CSPP1: variants seen among roughly 807,000 people sequenced by gnomAD.
CSPP1 encodes the protein centrosome and spindle pole associated protein 1, also known as centrosome and spindle pole-associated protein 1.
A neutral mutation model predicts 164.4 loss-of-function variants in CSPP1; 126 were observed. That is an observed-to-expected ratio of 0.77 (90% CI 0.66 to 0.89). CSPP1 has a LOEUF of 0.89. CSPP1 is among the 40% of genes least tolerant of loss of function. The probability of loss-of-function intolerance (pLI) is 0.00; values close to 1 mark genes in which losing one functional copy is unlikely to be tolerated. For synonymous variants in CSPP1, 472 were observed against 476.7 expected (o/e 0.99, Z 0.13); for missense variants, 1,395 against 1,449.8 (o/e 0.96, Z 0.61).
At chr8:67,145,173 T>G (rs1160737133) in intron 17 of CSPP1, among the ~76,000 whole-genome samples, 2 of 152,158 alleles carry the variant, frequency 1.3e-5, no homozygotes, top group Non-Finnish European at 2.9e-5. Flanking sequence ...ATTCAGTTTA[T>G]TTCTTATGTG....
intron 22 of CSPP1, 43 bp from the exon 23 acceptor site, chr8:67,163,689 G>A (rs759099709): frequency 1.4e-6 from 2 of 1,442,954 alleles, no homozygotes; most frequent in East Asian, 4.5e-5. Flanking sequence ...CTTCTGTGTA[G>A]GGAAGACATA....
intron 16 of CSPP1, among the ~76,000 whole-genome samples, chr8:67,132,568 T>G (rs1189616518): frequency 6.6e-6 from 1 of 152,160 alleles, no homozygotes; most frequent in Non-Finnish European, 1.5e-5. Context: ...GGGAAGAGAT[T>G]GGCAGAGAAA....
intron 16 of CSPP1, 64 bp from the exon 17 acceptor site, chr8:67,137,392 T>G: frequency 8.3e-7 from 1 of 1,204,624 alleles, no homozygotes; most frequent in South Asian, 2.6e-5. Flanking sequence ...ACATCTGGTA[T>G]TACTAACTTC....
At chr8:67,064,594 G>A (rs1208526514) in intron 1 of CSPP1, 56 bp downstream of exon 1, 11 of 1,478,706 alleles carry the variant, frequency 7.4e-6, no homozygotes, top group Non-Finnish European at 9.9e-6. Flanking sequence ...TGCATTCGCT[G>A]CCCCGGAGCG....
intron 7 of CSPP1, among the ~76,000 whole-genome samples, chr8:67,101,669 AT>A (rs1814151353): frequency 6.6e-6 from 1 of 152,174 alleles, no homozygotes; most frequent in South Asian, 2.1e-4. Context: ...AAAATTCCAA[AT>A]AGTGTTTTCT....
intron 26 of CSPP1, among the ~76,000 whole-genome samples, chr8:67,177,273 C>CT (rs1322074403): frequency 2.0e-5 from 3 of 152,072 alleles, no homozygotes; most frequent in Non-Finnish European, 4.4e-5. Context: ...GATACCTGAT[C>CT]CAAGATCTTT....
intron 16 of CSPP1, chr8:67,133,841 A>T (rs1821724738): frequency 6.6e-6 from 1 of 152,214 alleles, no homozygotes; most frequent in Non-Finnish European, 1.5e-5. Context: ...TTGTCATCTC[A>T]ACAGTGTTCA....
chr8:67,102,794 T>C (rs1408505865), intron 7 of CSPP1, among the ~76,000 whole-genome samples: 2 of 152,220 alleles, frequency 1.3e-5, no homozygotes, highest in African/African-American at 4.8e-5. Context: ...AATAAAAATT[T>C]ATAGCAAGTA....
intron 7 of CSPP1, among the ~76,000 whole-genome samples, chr8:67,096,337 C>T (rs371883950): frequency 1.3e-5 from 2 of 152,168 alleles, no homozygotes; most frequent in African/African-American, 2.4e-5. Flanking sequence ...GAGGCCGAGG[C>T]GGGCGGATCG....
chr8:67,161,659 C>T, intron 21 of CSPP1, 152 bp from the exon 22 acceptor site: 1 of 488,180 alleles, frequency 2.0e-6, no homozygotes, highest in South Asian at 4.4e-5. Flanking sequence ...AATTGAATTT[C>T]TGACTTTTGT....
rs190196303 is a variant in CSPP1 at position 67,193,340 on chromosome 8, G to C, written c.3331-124G>C. ...TTGAACTCCTGACTTCAGGTGATCT[G>C]CCCACCTCGGCTTCCCAAAGTGCTG... On this transcript the variant is annotated intron_variant, in intron 29 of 30. Transcript: ENST00000678616. 4.7e-4 allele frequency: 328 copies of C among 692,036 alleles called. No homozygotes were observed. In the African/African-American group the frequency reaches 5.4e-3, roughly 11 times the overall value. The allele number at this position is 692,036 out of a possible 1,614,324, so 42.9% of individuals were successfully genotyped here. A position where few individuals can be genotyped will look rare whatever the true frequency, so the allele number is the denominator to read the frequency against.
In CSPP1 at chr8:67,195,380, AGAT is replaced by A. The variant is rs772729206; in HGVS notation, c.3474_3476del (p.Asp1158del). On this transcript the variant is annotated splice_acceptor_variant and coding_sequence_variant, in exon 31 of 31. Coordinates refer to ENST00000678616, the MANE Select transcript of CSPP1 (RefSeq NM_001382391.1). LOFTEE classifies it high-confidence loss of function. ...GAGCCACGTGTCCCTTGCCTCCTGT[AGAT>A]GATGAGAGTTCACTGGTTGACCCTG... 2.5e-6 allele frequency: 4 copies of A among 1,611,336 alleles called. No homozygotes were observed. Among genetic ancestry groups the A allele is most frequent in the Admixed American group, 3.3e-5 (2 of 60,004 alleles).
intron 15 of CSPP1, among the ~76,000 whole-genome samples, chr8:67,126,752 G>A (rs1351828993): frequency 1.3e-5 from 2 of 152,130 alleles, no homozygotes; most frequent in African/African-American, 4.8e-5. Flanking sequence ...CCATGGGCAT[G>A]TTATTTCCCA....
At position 67,095,387 on chromosome 8, in the gene CSPP1, G is replaced by A. The variant is rs1812541652; in HGVS notation, c.578G>A (p.Arg193Lys). 6.2e-7 allele frequency: 1 copy of A among 1,612,746 alleles called. No individual in the cohort carries two copies. The highest frequency in any genetic ancestry group is 8.5e-7 in the Non-Finnish European group (1 of 1,179,530). ...QTSCENSEGPRKDVLTPSEAY... is the reference protein window; with the variant it reads ...QTSCENSEGPKKDVLTPSEAY... ...TCTTGTGAAAATTCAGAGGGTCCTAGAAAAGATGTCTTAACTCCTTCAGAG... is the reference window on the plus strand; with the variant it reads ...TCTTGTGAAAATTCAGAGGGTCCTAAAAAAGATGTCTTAACTCCTTCAGAG... The change falls in exon 7 of 31, where the codon AGA becomes AAA. Residue 193 changes from arginine (R) to lysine (K), a missense_variant. Transcript: ENST00000678616.
chr8:67,124,526 G>C (rs1819673264), intron 15 of CSPP1, among the ~76,000 whole-genome samples: 2 of 151,904 alleles, frequency 1.3e-5, no homozygotes, highest in South Asian at 4.2e-4. Context: ...TTTGAGATAG[G>C]GTCTTACTCT....
intron 15 of CSPP1, among the ~76,000 whole-genome samples, chr8:67,120,279 T>C (rs1292806304): frequency 1.3e-5 from 2 of 152,206 alleles, no homozygotes; most frequent in Non-Finnish European, 2.9e-5. Context: ...TTGCTTTGAA[T>C]GTTTTGAAAT....
chr8:67,184,238 T>C (rs1833806702), intron 28 of CSPP1, among the ~76,000 whole-genome samples: 2 of 152,160 alleles, frequency 1.3e-5, no homozygotes, highest in African/African-American at 4.8e-5. Flanking sequence ...AAATCAGTAT[T>C]CTAAGCTTCC....
chr8:67,093,481 A>T (rs1177188520), intron 5 of CSPP1, 62 bp from the exon 6 acceptor site: 6 of 987,522 alleles, frequency 6.1e-6, no homozygotes, highest in Non-Finnish European at 9.6e-6. Context: ...CTGATAGGAC[A>T]TTGAGGGATT....
At chr8:67,163,090 G>A (rs1367801933) in intron 22 of CSPP1, among the ~76,000 whole-genome samples, 8 of 152,220 alleles carry the variant, frequency 5.3e-5, no homozygotes, top group Non-Finnish European at 1.0e-4. Flanking sequence ...GAGGATGGCA[G>A]TGACGGCAGT....
Sources: gnomAD v4.1 joint callset for allele counts (sites outside exome capture counted in the v4.1 genomes callset) on GRCh38, gnomAD v4.1.1 for gene constraint, MANE v1.5 for transcripts, NCBI Gene and HGNC (gene_info 2026-07-23, HGNC 2026-07-21) for gene names.